The following GOLGA4 variants were observed in gnomAD, a reference collection of about 807,000 sequenced individuals.
GOLGA4 encodes golgin subfamily A member 4.
A neutral mutation model predicts 265.9 loss-of-function variants in GOLGA4; 169 were observed. That is an observed-to-expected ratio of 0.64 (90% CI 0.56 to 0.72). GOLGA4 has a LOEUF of 0.72. Ranked by LOEUF, GOLGA4 falls within the 30% of genes least tolerant of loss-of-function variation. GOLGA4 has a pLI of 0.00. For missense variants in GOLGA4, 2,482 were observed against 2,483.4 expected (o/e 1.00, Z 0.01); for synonymous variants, 923 against 855.8 (o/e 1.08, Z -1.37).
chr3:37,289,715 T>C lies in GOLGA4; in HGVS notation c.582+424T>C, dbSNP rs2096860044. On this transcript the variant is annotated intron_variant, in intron 5 of 23. Coordinates refer to ENST00000361924, the MANE Select transcript of GOLGA4 (RefSeq NM_002078.5). ...TTCCTTTATGTCTTCCTGAGGGCCA[T>C]GTGTACCCACTTGCCATCGGAGTAG... Among the ~76,000 whole-genome samples the C allele has an allele frequency of 2.6e-5, 4 of 152,238 alleles. No homozygotes were observed. In the South Asian group the frequency reaches 8.3e-4, roughly 31 times the overall value.
At position 37,282,130 on chromosome 3, in the gene GOLGA4, C is replaced by G. The variant is rs2096836404; in HGVS notation, c.335C>G (p.Ala112Gly). Residue 112 changes from alanine to glycine, a missense_variant, in exon 3 of 24, where the codon GCC (alanine) becomes GGC (glycine). This residue lies in a region of GOLGA4 where 1,536 missense variants were observed against 1,483.7 expected (regional missense o/e 1.04). Coordinates refer to ENST00000361924, the MANE Select transcript of GOLGA4 (RefSeq NM_002078.5). ...LNRLDLDSST[A>G]SFDPPSDMDS... ...CGACTTGACCTGGACAGTTCTACTGCCAGTTTTGATCCACCCTCTGATATG... is the reference window on the plus strand; with the variant it reads ...CGACTTGACCTGGACAGTTCTACTGGCAGTTTTGATCCACCCTCTGATATG... 1 of 1,614,028 alleles carries G rather than the reference C, an allele frequency of 6.2e-7. No individual in the cohort carries two copies. The highest frequency in any genetic ancestry group is 8.5e-7 in the Non-Finnish European group (1 of 1,179,980).
chr3:37,337,819 C>A, intron 19 of GOLGA4, 85 bp downstream of exon 19: 1 of 896,710 alleles, frequency 1.1e-6, no homozygotes, highest in Non-Finnish European at 1.8e-6. Flanking sequence ...AAATAGTTGG[C>A]TTTGAAATTT....
At chr3:37,280,252 T>C (rs1276772691) in intron 2 of GOLGA4, among the ~76,000 whole-genome samples, 1 of 152,210 alleles carries the variant, frequency 6.6e-6, no homozygotes, top group Non-Finnish European at 1.5e-5. Flanking sequence ...AAGAAAATTA[T>C]TGCTTATCAG....
intron 12 of GOLGA4, chr3:37,320,023 G>T (rs138643927): frequency 1.3e-5 from 2 of 152,040 alleles, no homozygotes; most frequent in Non-Finnish European, 2.9e-5. Context: ...TTTTACAGAA[G>T]AAGAAATAAA....
chr3:37,277,611 C>T (rs1210761746), intron 2 of GOLGA4, among the ~76,000 whole-genome samples: 20 of 152,200 alleles, frequency 1.3e-4, no homozygotes, highest in Admixed American at 1.3e-3. Context: ...TATTTGCTGA[C>T]TTTTTCTGTC....
chr3:37,327,863 C>T (rs1294803800), intron 14 of GOLGA4, 38 bp downstream of exon 14: 2 of 1,497,798 alleles, frequency 1.3e-6, no homozygotes, highest in East Asian at 4.5e-5. Flanking sequence ...TTATGGCAGT[C>T]CTTCTTAATT....
chr3:37,346,347 A>C (rs1290714680), intron 20 of GOLGA4, among the ~76,000 whole-genome samples: 1 of 152,002 alleles, frequency 6.6e-6, no homozygotes, highest in African/African-American at 2.4e-5. Flanking sequence ...TTATATTACA[A>C]CATAACTAGT....
chr3:37,327,426 T>C lies in GOLGA4; in HGVS notation c.5540T>C (p.Leu1847Pro), dbSNP rs1296778475. 8.1e-6 allele frequency: 13 copies of C among 1,613,514 alleles called. No homozygotes were observed. The highest frequency in any genetic ancestry group is 1.1e-5 in the Non-Finnish European group (13 of 1,179,782). ...DVQKTLQEKE[L>P]TCQILEQKIK... is the part of the protein sequence containing the mutation. ...CAGAAAACCCTCCAGGAGAAGGAAC[T>C]AACCTGTCAGATTTTGGAGCAAAAG... The change falls in exon 14 of 24, where the codon CTA (leucine) becomes CCA (proline). Residue 1847 changes from leucine to proline, a missense_variant. Physicochemically the swap from Leu to Pro is moderately conservative, Grantham distance 98. Transcript: ENST00000361924.
In GOLGA4 at chr3:37,294,982, C is replaced by T; in HGVS notation, c.586C>T (p.Leu196Phe). The change falls in exon 6 of 24, where the codon CTC becomes TTC. Residue 196 changes from leucine to phenylalanine, a missense_variant. Transcript: ENST00000361924. Reference protein sequence around the residue: ...LRRIAELREELQMDQQAKKHL... With the variant: ...LRRIAELREEFQMDQQAKKHL... ...TGTAAATCATTTTATGTTTTAGGAG[C>T]TCCAAATGGACCAGCAGGCAAAGAA... 1 of 1,590,628 alleles carries T rather than the reference C, an allele frequency of 6.3e-7. No individual in the cohort carries two copies. Among genetic ancestry groups the T allele is most frequent in the Non-Finnish European group, 8.6e-7 (1 of 1,167,846 alleles).
At chr3:37,327,937 A>G (rs2096977284) in intron 14 of GOLGA4, 112 bp downstream of exon 14, 2 of 805,216 alleles carry the variant, frequency 2.5e-6, no homozygotes, top group Non-Finnish European at 3.8e-6. Context: ...TCACCAACCC[A>G]AAATATTAAA....
At chr3:37,278,783 AC>A (rs2096826422) in intron 2 of GOLGA4, among the ~76,000 whole-genome samples, 1 of 151,640 alleles carries the variant, frequency 6.6e-6, no homozygotes, top group African/African-American at 2.4e-5. Context: ...AATTCTCATA[AC>A]AAAAAGATGC....
intron 1 of GOLGA4, among the ~76,000 whole-genome samples, chr3:37,251,074 A>G (rs146988405): frequency 3.3e-5 from 5 of 152,090 alleles, no homozygotes; most frequent in Non-Finnish European, 5.9e-5. Flanking sequence ...TATACCCCTC[A>G]CCTGGCTTCA....
At chr3:37,264,269 T>C (rs963316963) in intron 2 of GOLGA4, among the ~76,000 whole-genome samples, 2 of 152,246 alleles carry the variant, frequency 1.3e-5, no homozygotes, top group Non-Finnish European at 2.9e-5. Flanking sequence ...AGTGAATTTT[T>C]TATAGCCTTT....
intron 2 of GOLGA4, among the ~76,000 whole-genome samples, chr3:37,276,871 C>A (rs904491570): frequency 1.3e-5 from 2 of 152,108 alleles, no homozygotes; most frequent in Non-Finnish European, 2.9e-5. Flanking sequence ...GGCAATATTT[C>A]TTCTTTCTTA....
At chr3:37,279,570 T>C (rs1220977189) in intron 2 of GOLGA4, among the ~76,000 whole-genome samples, 1 of 152,152 alleles carries the variant, frequency 6.6e-6, no homozygotes, top group Non-Finnish European at 1.5e-5. Context: ...TTTTTTTCCT[T>C]CTTTTCTGCT....
chr3:37,271,156 T>C (rs888284876), intron 2 of GOLGA4, among the ~76,000 whole-genome samples: 1 of 152,164 alleles, frequency 6.6e-6, no homozygotes, highest in African/African-American at 2.4e-5. Flanking sequence ...GAAGTTTCGC[T>C]TGCTCACCCA....
chr3:37,305,381 T>G (rs558132796), intron 10 of GOLGA4, among the ~76,000 whole-genome samples: 5 of 152,356 alleles, frequency 3.3e-5, no homozygotes, highest in Admixed American at 6.5e-5. Flanking sequence ...ATAATGCCTT[T>G]TACATCTATA....
chr3:37,338,216 T>G (rs2097020911), intron 19 of GOLGA4, among the ~76,000 whole-genome samples: 1 of 152,184 alleles, frequency 6.6e-6, no homozygotes, highest in South Asian at 2.1e-4. Context: ...TAGTAAAGTC[T>G]TTTTCTAAAC....
intron 23 of GOLGA4, among the ~76,000 whole-genome samples, chr3:37,362,780 C>CCTTTTTTTTTTTTTTT (rs1375290747): frequency 2.5e-4 from 19 of 75,458 alleles, no homozygotes; most frequent in South Asian, 7.2e-4. Context: ...AGCCTCTAAG[C>CCTTTTTTTTTTTTTTT]TTTTTTTTTT....
Sources: allele counts gnomAD v4.1 joint callset (sites outside exome capture counted in the v4.1 genomes callset), GRCh38; gene constraint gnomAD v4.1.1; regional missense constraint gnomAD v4.1.1; transcripts MANE v1.5; gene names NCBI Gene and HGNC (gene_info 2026-07-23, HGNC 2026-07-21).